Variants in NR2F1-AS1 observed in about 807,000 individuals in gnomAD.
NR2F1-AS1 encodes the protein NR2F1 antisense RNA 1.
chr5:93,463,939 T>C (rs571542204), intron 4 of NR2F1-AS1, among the ~76,000 whole-genome samples: 1 of 152,288 alleles, frequency 6.6e-6, no homozygotes, highest in Middle Eastern at 3.4e-3. Context: ...AGATGAGACT[T>C]TAAATGGTGG....
At chr5:93,410,579 A>C (rs1431457625) in intron 4 of NR2F1-AS1, 1 of 152,196 alleles carries the variant, frequency 6.6e-6, no homozygotes, top group Non-Finnish European at 1.5e-5. Flanking sequence ...TGAGAGCCTA[A>C]CTAATGCCTG....
At chr5:93,561,494 C>G (rs915542970) in intron 2 of NR2F1-AS1, among the ~76,000 whole-genome samples, 1 of 151,706 alleles carries the variant, frequency 6.6e-6, no homozygotes, top group African/African-American at 2.4e-5. Flanking sequence ...GAAAACAGGC[C>G]AGGCGCAGTG....
chr5:93,546,159 G>A (rs1752081002), intron 4 of NR2F1-AS1, among the ~76,000 whole-genome samples: 1 of 152,080 alleles, frequency 6.6e-6, no homozygotes, highest in African/African-American at 2.4e-5. Context: ...AGGTTTGTAA[G>A]GTATCTAGCA....
intron 4 of NR2F1-AS1, among the ~76,000 whole-genome samples, chr5:93,529,044 A>G (rs1340242398): frequency 6.6e-6 from 1 of 152,176 alleles, no homozygotes; most frequent in African/African-American, 2.4e-5. Context: ...CTTAAAGTAT[A>G]GTTTTAAAAA....
intron 1 of NR2F1-AS1, among the ~76,000 whole-genome samples, chr5:93,564,420 G>C (rs1451612941): frequency 6.6e-6 from 1 of 152,126 alleles, no homozygotes; most frequent in Non-Finnish European, 1.5e-5. Flanking sequence ...CTCAAGCTTA[G>C]TCATCTCAAC....
At chr5:93,434,362 A>C (rs1389653735) in intron 4 of NR2F1-AS1, among the ~76,000 whole-genome samples, 2 of 152,180 alleles carry the variant, frequency 1.3e-5, no homozygotes. Flanking sequence ...TTAAACTTAC[A>C]GAAGAGTTTC....
intron 4 of NR2F1-AS1, among the ~76,000 whole-genome samples, chr5:93,435,544 C>A: frequency 6.6e-6 from 1 of 152,114 alleles, no homozygotes; most frequent in East Asian, 1.9e-4. Context: ...ATGATAGTAG[C>A]CCCTTTGCTT....
intron 4 of NR2F1-AS1, among the ~76,000 whole-genome samples, chr5:93,455,320 A>G (rs1320300053): frequency 6.6e-6 from 1 of 152,214 alleles, no homozygotes; most frequent in Non-Finnish European, 1.5e-5. Context: ...CCATATGTAA[A>G]GTTGTATGAT....
chr5:93,471,687 C>A (rs1750368422), intron 4 of NR2F1-AS1, among the ~76,000 whole-genome samples: 1 of 151,700 alleles, frequency 6.6e-6, no homozygotes, highest in South Asian at 2.1e-4. Context: ...TTGTTAGAAG[C>A]CATTTTAATG....
At chr5:93,416,650 A>C (rs1177883692) in intron 4 of NR2F1-AS1, among the ~76,000 whole-genome samples, 1 of 152,148 alleles carries the variant, frequency 6.6e-6, no homozygotes, top group African/African-American at 2.4e-5. Flanking sequence ...TACCATTTTT[A>C]CAAATTGGAA....
intron 4 of NR2F1-AS1, among the ~76,000 whole-genome samples, chr5:93,528,857 A>T (rs919219272): frequency 1.3e-5 from 2 of 148,248 alleles, no homozygotes; most frequent in African/African-American, 4.9e-5. Flanking sequence ...ATGAGAACAC[A>T]TGGACACATG....
At chr5:93,467,427 GC>G in intron 4 of NR2F1-AS1, among the ~76,000 whole-genome samples, 3 of 152,000 alleles carry the variant, frequency 2.0e-5, no homozygotes, top group Admixed American at 2.0e-4. Flanking sequence ...CTTTTCTAAG[GC>G]CCTCATACTT....
chr5:93,464,568 A>T (rs185611432), intron 4 of NR2F1-AS1, among the ~76,000 whole-genome samples: 12 of 152,362 alleles, frequency 7.9e-5, no homozygotes, highest in Admixed American at 2.0e-4. Context: ...TATGATTAAG[A>T]ACCATATCTA....
chr5:93,458,993 C>A (rs1321209581), intron 4 of NR2F1-AS1, among the ~76,000 whole-genome samples: 1 of 151,780 alleles, frequency 6.6e-6, no homozygotes, highest in Non-Finnish European at 1.5e-5. Flanking sequence ...GCCTGAGCGA[C>A]AGAGTGAGAC....
chr5:93,533,287 C>T (rs1175203754), intron 4 of NR2F1-AS1, among the ~76,000 whole-genome samples: 1 of 152,090 alleles, frequency 6.6e-6, no homozygotes, highest in African/African-American at 2.4e-5. Context: ...TGAGTGATCA[C>T]ATTTCAAAGG....
intron 4 of NR2F1-AS1, among the ~76,000 whole-genome samples, chr5:93,465,869 A>T (rs1750217582): frequency 6.6e-6 from 1 of 151,268 alleles, no homozygotes; most frequent in African/African-American, 2.4e-5. Context: ...GTGGGAACTG[A>T]ACATTGAGAA....
At position 93,545,613 on chromosome 5, in the gene NR2F1-AS1, T is replaced by G. The variant is rs188985141; in HGVS notation, n.638+8148A>C. ...CCACACTTTTGCCTCTTAGGCAAAT[T>G]GCTCTTTTTCTCTTCCTTCTCTCAC... On this transcript the variant is annotated intron_variant and non_coding_transcript_variant, in intron 4 of 5. Transcript: ENST00000660523. Among the ~76,000 whole-genome samples, 427 of 152,332 alleles carry G rather than the reference T, an allele frequency of 2.8e-3. 2 individuals carry two copies. The highest frequency in any genetic ancestry group is 9.1e-3 in the South Asian group (44 of 4,830).
chr5:93,444,234 C>G (rs1396891614), intron 4 of NR2F1-AS1, among the ~76,000 whole-genome samples: 1 of 152,108 alleles, frequency 6.6e-6, no homozygotes, highest in Admixed American at 6.5e-5. Context: ...CTAAATGCTC[C>G]AGTTAAAAGA....
intron 4 of NR2F1-AS1, among the ~76,000 whole-genome samples, chr5:93,528,603 T>C (rs149894031): frequency 0.029 from 4,483 of 152,284 alleles, 214 homozygotes; most frequent in African/African-American, 0.1. Flanking sequence ...TGCACACATA[T>C]GTTTATCGCA....
Sources: gnomAD v4.1 joint callset for allele counts (sites outside exome capture counted in the v4.1 genomes callset) on GRCh38, gnomAD v4.1.1 for gene constraint, MANE v1.5 for transcripts, NCBI Gene and HGNC (gene_info 2026-07-23, HGNC 2026-07-21) for gene names.